Variants in DCUN1D5 observed in about 807,000 individuals in gnomAD.
DCUN1D5 encodes DCN1-like protein 5.
A neutral mutation model predicts 38.3 loss-of-function variants in DCUN1D5; 10 were observed. That is an observed-to-expected ratio of 0.26 (90% CI 0.16 to 0.44). The LOEUF (loss-of-function observed/expected upper bound fraction) is 0.44. Ranked by LOEUF, DCUN1D5 falls within the 20% of genes least tolerant of loss-of-function variation. The probability of loss-of-function intolerance (pLI) is 1.00; values close to 1 mark genes in which losing one functional copy is unlikely to be tolerated. For synonymous variants in DCUN1D5, 93 were observed against 90.9 expected, an observed-to-expected ratio of 1.02 and a Z score of -0.13; for missense variants, 148 against 275.3, an observed-to-expected ratio of 0.54 and a Z score of 3.27.
Position 103,091,560 on chromosome 11 carries a change from G to A in DCUN1D5, c.86+227C>T. 1.6e-6 allele frequency: 1 copy of A among 627,232 alleles called. No homozygotes were observed. Among genetic ancestry groups the A allele is most frequent in the Non-Finnish European group, 2.7e-6 (1 of 366,436 alleles). 38.9% of individuals were successfully genotyped at this position (627,232 alleles called of 1,614,324 possible). Reference sequence around the variant, plus strand: ...CCTGCAGGGCACGTAGACTCTTAACGTGGGCGGCTCTTCTAGTCTCTCCAT... The same window carrying A: ...CCTGCAGGGCACGTAGACTCTTAACATGGGCGGCTCTTCTAGTCTCTCCAT... On this transcript the variant is annotated intron_variant, in intron 1 of 7. Coordinates refer to ENST00000260247, the MANE Select transcript of DCUN1D5 (RefSeq NM_032299.4). The surrounding 1 kb of genome is among the most constrained non-coding windows in gnomAD (Gnocchi z 4.3).
chr11:103,068,724 AC>A (rs1251100544), intron 4 of DCUN1D5, among the ~76,000 whole-genome samples: 2 of 152,046 alleles, frequency 1.3e-5, no homozygotes, highest in African/African-American at 4.8e-5. Flanking sequence ...ATAAAAGATA[AC>A]TGTTGAGTAC....
chr11:103,090,066 C>T (rs1862817960), intron 1 of DCUN1D5, among the ~76,000 whole-genome samples: 1 of 151,906 alleles, frequency 6.6e-6, no homozygotes, highest in Non-Finnish European at 1.5e-5. Flanking sequence ...AATTACCCTA[C>T]CACAATGATA....
chr11:103,091,761 G>A lies in DCUN1D5; in HGVS notation c.86+26C>T, dbSNP rs1440753880. ...GTCCAGCAAAGGAGGGAGGAGGGAA[G>A]CTTGAAGGGTGGGGGGAGATGGTAC... On this transcript the variant is annotated intron_variant, in intron 1 of 7. Transcript: ENST00000260247. This position sits in a 1 kb window ranked among gnomAD's most constrained non-coding sequence, Gnocchi z 4.3. 3 of 1,613,860 alleles carry A rather than the reference G, an allele frequency of 1.9e-6. No individual in the cohort carries two copies. The highest frequency in any genetic ancestry group is 2.5e-6 in the Non-Finnish European group (3 of 1,179,900).
At position 103,055,819 on chromosome 11, in the gene DCUN1D5, T is replaced by C. The variant is rs918245662; in HGVS notation, c.*6540A>G. On this transcript the variant is annotated 3_prime_UTR_variant, in exon 8 of 8. Transcript: ENST00000260247. ...TATCTCCAGCCCAGACCTCTACTTTTCCAGGTTCAAATATCCAACTGCCCA... is the reference window on the plus strand; with the variant it reads ...TATCTCCAGCCCAGACCTCTACTTTCCCAGGTTCAAATATCCAACTGCCCA... The C allele has an allele frequency of 6.6e-6, 1 of 152,176 alleles. No homozygotes were observed. Among genetic ancestry groups the C allele is most frequent in the Non-Finnish European group, 1.5e-5 (1 of 68,026 alleles). 9.4% of individuals were successfully genotyped at this position (152,176 alleles called of 1,614,324 possible).
rs1254186974 is a variant in DCUN1D5 at position 103,087,419 on chromosome 11, C to T, written c.178+1808G>A. On this transcript the variant is annotated intron_variant, in intron 2 of 7. Coordinates refer to ENST00000260247, the MANE Select transcript of DCUN1D5 (RefSeq NM_032299.4). The surrounding 1 kb of genome is among the most constrained non-coding windows in gnomAD (Gnocchi z 4.1). Reference sequence around the variant, plus strand: ...TCTCCTGACCTCGTGATCTGCCTACCTTGGCCTCCCAAAGTGCTGAGATTA... The same window carrying T: ...TCTCCTGACCTCGTGATCTGCCTACTTTGGCCTCCCAAAGTGCTGAGATTA... Among the ~76,000 whole-genome samples the T allele has an allele frequency of 6.6e-6, 1 of 152,118 alleles. No homozygotes were observed. Among genetic ancestry groups the T allele is most frequent in the African/African-American group, 2.4e-5 (1 of 41,424 alleles).
In DCUN1D5 at chr11:103,091,478, G is replaced by A. The variant is rs1378205949; in HGVS notation, c.86+309C>T. 8.2e-6 allele frequency: 3 copies of A among 365,970 alleles called. No homozygotes were observed. Among genetic ancestry groups the A allele is most frequent in the Non-Finnish European group, 1.5e-5 (3 of 195,198 alleles). 22.7% of individuals were successfully genotyped at this position (365,970 alleles called of 1,614,324 possible). ...GGGAGTAGGGGATCGAGGGTCGGTT[G>A]TGGGGTGGGGGTGGGGGTGGGGGGA... is the stretch of plus-strand genomic sequence containing the variant. On this transcript the variant is annotated intron_variant, in intron 1 of 7. Transcript: ENST00000260247. This position sits in a 1 kb window ranked among gnomAD's most constrained non-coding sequence, Gnocchi z 4.3.
In DCUN1D5 at chr11:103,060,019, C is replaced by G. The variant is rs1321757098; in HGVS notation, c.*2340G>C. Among the ~76,000 whole-genome samples the G allele has an allele frequency of 1.3e-5, 2 of 152,120 alleles. No homozygotes were observed. Among genetic ancestry groups the G allele is most frequent in the African/African-American group, 4.8e-5 (2 of 41,424 alleles). On this transcript the variant is annotated 3_prime_UTR_variant, in exon 8 of 8. Coordinates refer to ENST00000260247, the MANE Select transcript of DCUN1D5 (RefSeq NM_032299.4). ...GTCCTTAATATTGTATTGTTTATAT[C>G]ACTTAACATTTTTGATCATAAATTT...
chr11:103,088,129 C>T (rs1425567515), intron 2 of DCUN1D5, among the ~76,000 whole-genome samples: 4 of 152,056 alleles, frequency 2.6e-5, no homozygotes, highest in African/African-American at 4.8e-5. Flanking sequence ...AGTAAAGTTA[C>T]TGCCCCCCTT....
chr11:103,083,511 CT>C lies in DCUN1D5; in HGVS notation c.179-186del, dbSNP rs1862621810. On this transcript the variant is annotated intron_variant, in intron 2 of 7. Transcript: ENST00000260247. This position sits in a 1 kb window ranked among gnomAD's most constrained non-coding sequence, Gnocchi z 4.4. ...TAAAATTTAAAATTTGTGAAGTATT[CT>C]TTGAACACCAGATTACAATATGAAA... Among the ~76,000 whole-genome samples the C allele has an allele frequency of 6.6e-6, 1 of 151,798 alleles. No homozygotes were observed. The highest frequency in any genetic ancestry group is 2.4e-5 in the African/African-American group (1 of 41,366).
At chr11:103,067,573 T>C (rs1389926251) in intron 4 of DCUN1D5, among the ~76,000 whole-genome samples, 2 of 152,172 alleles carry the variant, frequency 1.3e-5, no homozygotes, top group Admixed American at 6.5e-5. Flanking sequence ...AAACTGAATT[T>C]TAGTTATTCA....
rs1339120273 is a variant in DCUN1D5 at position 103,073,107 on chromosome 11, A to C, written c.342-6540T>G. On this transcript the variant is annotated intron_variant, in intron 4 of 7. Coordinates refer to ENST00000260247, the MANE Select transcript of DCUN1D5 (RefSeq NM_032299.4). The surrounding 1 kb of genome is among the most constrained non-coding windows in gnomAD (Gnocchi z 4.2). ...CTATATATTAGTAATGAACATGTGG[A>C]CACTAAAATGTAAAATACCATTTAC... Among the ~76,000 whole-genome samples the C allele has an allele frequency of 6.6e-6, 1 of 152,196 alleles. No individual in the cohort carries two copies. The highest frequency in any genetic ancestry group is 1.5e-5 in the Non-Finnish European group (1 of 68,030).
intron 2 of DCUN1D5, among the ~76,000 whole-genome samples, chr11:103,084,020 C>T (rs984868569): frequency 1.3e-5 from 2 of 152,098 alleles, no homozygotes; most frequent in Non-Finnish European, 2.9e-5. Flanking sequence ...TAATTACTGG[C>T]ATTTAACTTG....
Position 103,053,355 on chromosome 11 carries a change from T to TA in DCUN1D5, c.*9003dup, listed in dbSNP as rs1342972970. 6.6e-6 allele frequency: 1 copy of TA among 152,042 alleles called. No homozygotes were observed. The highest frequency in any genetic ancestry group is 2.4e-5 in the African/African-American group (1 of 41,424). 9.4% of individuals were successfully genotyped at this position (152,042 alleles called of 1,614,324 possible). On this transcript the variant is annotated 3_prime_UTR_variant, in exon 8 of 8. Transcript: ENST00000260247. The surrounding 1 kb of genome is among the most constrained non-coding windows in gnomAD (Gnocchi z 4.8). ...ACAAATCAGTGTGCATCATTGACAT[T>TA]ACAGATTAATTTCCTAAGAGATTTG...
At position 103,064,190 on chromosome 11, in the gene DCUN1D5, C is replaced by G. The variant is rs1266543071; in HGVS notation, c.658+85G>C. The G allele has an allele frequency of 1.0e-6, 1 of 1,001,648 alleles. No individual in the cohort carries two copies. The allele number at this position is 1,001,648 out of a possible 1,614,324, so 62.0% of individuals were successfully genotyped here. On this transcript the variant is annotated intron_variant, in intron 7 of 7. Coordinates refer to ENST00000260247, the MANE Select transcript of DCUN1D5 (RefSeq NM_032299.4). This position sits in a 1 kb window ranked among gnomAD's most constrained non-coding sequence, Gnocchi z 4.5. ...GTTACTATTACAAAGTTTAAAACCTCTATGCTAATACTACACAAATGCATA... is the reference window on the plus strand; with the variant it reads ...GTTACTATTACAAAGTTTAAAACCTGTATGCTAATACTACACAAATGCATA...
In DCUN1D5 at chr11:103,052,347, A is replaced by G. The variant is rs1174712329; in HGVS notation, c.*10012T>C. On this transcript the variant is annotated 3_prime_UTR_variant, in exon 8 of 8. Coordinates refer to ENST00000260247, the MANE Select transcript of DCUN1D5 (RefSeq NM_032299.4). ...GCAGGCCATGAGAGATAAGTAAAATACGGTCCATTTCTTTTAAGTAACTTG... is the reference window on the plus strand; with the variant it reads ...GCAGGCCATGAGAGATAAGTAAAATGCGGTCCATTTCTTTTAAGTAACTTG... The G allele has an allele frequency of 1.3e-5, 2 of 152,198 alleles. No homozygotes were observed. The highest frequency in any genetic ancestry group is 2.9e-5 in the Non-Finnish European group (2 of 68,024). The allele number at this position is 152,198 out of a possible 1,614,324, so 9.4% of individuals were successfully genotyped here.
At chr11:103,070,392 G>A (rs889423386) in intron 4 of DCUN1D5, among the ~76,000 whole-genome samples, 1 of 152,060 alleles carries the variant, frequency 6.6e-6, no homozygotes. Flanking sequence ...AAGAAAGCAG[G>A]AAGTGGCTTT....
In DCUN1D5 at chr11:103,091,654, T is replaced by A; in HGVS notation, c.86+133A>T. On this transcript the variant is annotated intron_variant, in intron 1 of 7. Coordinates refer to ENST00000260247, the MANE Select transcript of DCUN1D5 (RefSeq NM_032299.4). The surrounding 1 kb of genome is among the most constrained non-coding windows in gnomAD (Gnocchi z 4.3). ...GCGGAGACTCGCGGTGTTCGGCACC[T>A]ACAGCCTAGCTCGATCAAAGGGGCC... The A allele has an allele frequency of 6.4e-7, 1 of 1,559,280 alleles. No homozygotes were observed. Among genetic ancestry groups the A allele is most frequent in the Non-Finnish European group, 8.7e-7 (1 of 1,149,226 alleles).
chr11:103,071,490 T>C lies in DCUN1D5; in HGVS notation c.342-4923A>G, dbSNP rs1403191047. Among the ~76,000 whole-genome samples, 7 of 150,492 alleles carry C rather than the reference T, an allele frequency of 4.7e-5. No individual in the cohort carries two copies. The highest frequency in any genetic ancestry group is 1.5e-5 in the Non-Finnish European group (1 of 67,610). On this transcript the variant is annotated intron_variant, in intron 4 of 7. Transcript: ENST00000260247. This position sits in a 1 kb window ranked among gnomAD's most constrained non-coding sequence, Gnocchi z 4.1. ...AAGATTTTTATACAGGTATAATCTA[T>C]ATATAATTTTATATACTCTATATCT...
At chr11:103,080,427 A>G (rs961977588) in intron 4 of DCUN1D5, among the ~76,000 whole-genome samples, 2 of 152,208 alleles carry the variant, frequency 1.3e-5, no homozygotes, top group Non-Finnish European at 2.9e-5. Flanking sequence ...CAAGTTTTTA[A>G]TAAGAAAATT....
Sources: gnomAD v4.1 joint callset for allele counts (sites outside exome capture counted in the v4.1 genomes callset) on GRCh38, gnomAD v4.1.1 for gene constraint, Gnocchi (gnomAD v3.1) non-coding constraint, MANE v1.5 for transcripts, NCBI Gene and HGNC (gene_info 2026-07-23, HGNC 2026-07-21) for gene names.